CCDC33: variants seen among roughly 807,000 people sequenced by gnomAD.
CCDC33 encodes the protein coiled-coil domain containing 33.
A neutral mutation model predicts 91.9 loss-of-function variants in CCDC33; 94 were observed. The ratio of observed to expected loss-of-function variants is 1.02; its 90% confidence interval spans 0.87 to 1.21. The LOEUF (loss-of-function observed/expected upper bound fraction) is 1.21. CCDC33 is among the 50% of genes most tolerant of loss of function. The pLI is 0.00. For missense variants in CCDC33, 940 were observed against 935.5 expected, an observed-to-expected ratio of 1.00 and a Z score of -0.06; for synonymous variants, 396 against 374.5, an observed-to-expected ratio of 1.06 and a Z score of -0.66.
At chr15:74,243,703 T>A (rs1374219836) in intron 1 of CCDC33, 3 of 489,254 alleles carry the variant, frequency 6.1e-6, no homozygotes, top group African/African-American at 1.9e-5. Context: ...ATGCCTATAA[T>A]CCCAGCACTC....
intron 11 of CCDC33, among the ~76,000 whole-genome samples, chr15:74,324,235 C>T (rs555410940): frequency 4.6e-5 from 7 of 152,092 alleles, no homozygotes; most frequent in Non-Finnish European, 1.0e-4. Context: ...CCGTGACATA[C>T]ACATTGCTTT....
At chr15:74,319,867 A>G (rs2060170942) in intron 11 of CCDC33, among the ~76,000 whole-genome samples, 1 of 152,092 alleles carries the variant, frequency 6.6e-6, no homozygotes, top group Non-Finnish European at 1.5e-5. Flanking sequence ...TCCAAGCTTC[A>G]CCAAGCCAAG....
upstream of CCDC33, among the ~76,000 whole-genome samples, chr15:74,232,142 T>A (rs538449502): frequency 5.3e-5 from 8 of 151,684 alleles, no homozygotes; most frequent in East Asian, 1.6e-3. Flanking sequence ...AAGTTGGGGG[T>A]GTGAAGGGGC....
In CCDC33 at chr15:74,320,531, A is replaced by T. The variant is rs996295632; in HGVS notation, c.1291-9658A>T. On this transcript the variant is annotated intron_variant, in intron 11 of 18. Coordinates refer to ENST00000398814, the MANE Select transcript of CCDC33 (RefSeq NM_025055.5). ...CCAACAGAGCTGAGCTTAGGGGTAC[A>T]AACAGCAGCTGCCAGGCCCTGCTGG... Among the ~76,000 whole-genome samples the T allele has an allele frequency of 4.6e-5, 7 of 152,040 alleles. No individual in the cohort carries two copies. In the South Asian group the frequency reaches 6.2e-4, roughly 14 times the overall value.
chr15:74,324,897 C>T (rs981192866), intron 11 of CCDC33, among the ~76,000 whole-genome samples: 2 of 149,762 alleles, frequency 1.3e-5, no homozygotes, highest in African/African-American at 2.5e-5. Flanking sequence ...CCTCTTCCTC[C>T]TTCCCACTCC....
chr15:74,225,789 G>A (rs2074776227), intron 2 of CCDC33, among the ~76,000 whole-genome samples: 1 of 152,156 alleles, frequency 6.6e-6, no homozygotes. Flanking sequence ...GATTAGGGTG[G>A]GGAGCAGCAG....
chr15:74,208,847 T>TA, intron 1 of CCDC33: 1 of 988,760 alleles, frequency 1.0e-6, no homozygotes, highest in Non-Finnish European at 1.2e-6. Flanking sequence ...TCTCTTTCCT[T>TA]TCCTTTATTG....
chr15:74,209,653 T>C (rs978762022), intron 2 of CCDC33: 2 of 570,436 alleles, frequency 3.5e-6, no homozygotes, highest in Non-Finnish European at 6.2e-6. Flanking sequence ...AGTACATGCC[T>C]GCAACCTCCA....
intron 11 of CCDC33, among the ~76,000 whole-genome samples, chr15:74,324,772 C>T (rs536662877): frequency 6.6e-6 from 1 of 151,596 alleles, no homozygotes; most frequent in Non-Finnish European, 1.5e-5. Context: ...GGTACCTCAC[C>T]CCTAACACGC....
chr15:74,275,757 C>T (rs548560201), intron 7 of CCDC33, among the ~76,000 whole-genome samples: 1 of 152,196 alleles, frequency 6.6e-6, no homozygotes, highest in South Asian at 2.1e-4. Context: ...GCAACCTCTG[C>T]CTCCTGGGTT....
At chr15:74,305,961 T>C (rs1390371382) in intron 11 of CCDC33, among the ~76,000 whole-genome samples, 1 of 152,166 alleles carries the variant, frequency 6.6e-6, no homozygotes, top group Non-Finnish European at 1.5e-5. Context: ...TTCAGAGGAC[T>C]AACAGGAGAG....
Position 74,218,755 on chromosome 15 carries a change from TC to T in CCDC33, c.571del (p.His191ThrfsTer22). ...GGGAGCCTGGCCTACAGTGTGGCCT[TC>T]CACGTCCACCGGGGCCCTCAGCCTC... On this transcript the variant is annotated frameshift_variant, in exon 2 of 3. Coordinates refer to the CCDC33 transcript ENST00000635913. LOFTEE classifies it high-confidence loss of function. The surrounding 1 kb of genome is among the most constrained non-coding windows in gnomAD (Gnocchi z 4.8). 7.8e-7 allele frequency: 1 copy of T among 1,289,570 alleles called. No individual in the cohort carries two copies. 79.9% of individuals were successfully genotyped at this position (1,289,570 alleles called of 1,614,324 possible).
At chr15:74,310,024 G>A (rs1285570277) in intron 11 of CCDC33, among the ~76,000 whole-genome samples, 1 of 152,100 alleles carries the variant, frequency 6.6e-6, no homozygotes, top group East Asian at 1.9e-4. Context: ...GGTGACACGT[G>A]CCTGTAATAC....
chr15:74,322,335 G>A (rs981694038), intron 11 of CCDC33, among the ~76,000 whole-genome samples: 4 of 152,196 alleles, frequency 2.6e-5, no homozygotes, highest in Non-Finnish European at 4.4e-5. Context: ...GGTGGGCCTC[G>A]CTCTCTCCCA....
intron 15 of CCDC33, among the ~76,000 whole-genome samples, chr15:74,332,069 C>T (rs1305682837): frequency 6.6e-6 from 1 of 152,106 alleles, no homozygotes; most frequent in East Asian, 1.9e-4. Context: ...GGTTTTCTTC[C>T]CCATCGATAT....
intron 2 of CCDC33, among the ~76,000 whole-genome samples, chr15:74,256,535 C>T (rs542298166): frequency 1.3e-5 from 2 of 152,282 alleles, no homozygotes; most frequent in East Asian, 3.9e-4. Flanking sequence ...AGGGGACTGT[C>T]ATTGCCTCCC....
intron 2 of CCDC33, among the ~76,000 whole-genome samples, chr15:74,226,442 T>A (rs1415613486): frequency 6.6e-6 from 1 of 152,154 alleles, no homozygotes; most frequent in African/African-American, 2.4e-5. Context: ...GGAAATTGCG[T>A]GGTGCTAACA....
At chr15:74,225,343 G>A (rs1408371697) in intron 2 of CCDC33, among the ~76,000 whole-genome samples, 2 of 152,064 alleles carry the variant, frequency 1.3e-5, no homozygotes, top group Non-Finnish European at 2.9e-5. Context: ...GGAAGGCCCA[G>A]TGACGATGGC....
chr15:74,213,911 A>T (rs931101579), upstream of CCDC33, among the ~76,000 whole-genome samples: 1 of 152,146 alleles, frequency 6.6e-6, no homozygotes, highest in African/African-American at 2.4e-5. Context: ...TCAGAGGTCT[A>T]TCCCTTCACT....
Sources: gnomAD v4.1 joint callset for allele counts (sites outside exome capture counted in the v4.1 genomes callset) on GRCh38, gnomAD v4.1.1 for gene constraint, Gnocchi (gnomAD v3.1) non-coding constraint, MANE v1.5 for transcripts, NCBI Gene and HGNC (gene_info 2026-07-23, HGNC 2026-07-21) for gene names.